CDK14: variants seen among roughly 807,000 people sequenced by gnomAD.
CDK14 encodes cyclin dependent kinase 14.
In CDK14, 34 loss-of-function variants were observed where a neutral mutation model predicts 60.7. That is an observed-to-expected ratio of 0.56 (90% CI 0.43 to 0.75). CDK14 has a LOEUF of 0.75. CDK14 is among the 30% of genes least tolerant of loss of function. The probability of loss-of-function intolerance (pLI) is 0.00; values close to 1 mark genes in which losing one functional copy is unlikely to be tolerated. For missense variants in CDK14, 482 were observed against 564.1 expected, an observed-to-expected ratio of 0.85 and a Z score of 1.47; for synonymous variants, 197 against 203.7, an observed-to-expected ratio of 0.97 and a Z score of 0.28.
At chr7:90,818,000 C>T (rs1299295378) in intron 5 of CDK14, among the ~76,000 whole-genome samples, 1 of 152,190 alleles carries the variant, frequency 6.6e-6, no homozygotes, top group Admixed American at 6.5e-5. Context: ...GCCCATCTGA[C>T]TCTTAAAGCA....
At chr7:91,014,361 A>T (rs1796244991) in intron 10 of CDK14, among the ~76,000 whole-genome samples, 1 of 152,158 alleles carries the variant, frequency 6.6e-6, no homozygotes, top group African/African-American at 2.4e-5. Context: ...AGACAAGAGA[A>T]ATCTGAAACA....
At chr7:90,780,126 A>G (rs769415231) in intron 4 of CDK14, among the ~76,000 whole-genome samples, 3 of 152,184 alleles carry the variant, frequency 2.0e-5, no homozygotes, top group Non-Finnish European at 2.9e-5. Flanking sequence ...AACTGTTGAT[A>G]ATCTACTAAG....
intron 11 of CDK14, among the ~76,000 whole-genome samples, chr7:91,064,621 A>G (rs999550348): frequency 3.3e-5 from 5 of 152,294 alleles, no homozygotes; most frequent in Admixed American, 2.0e-4. Flanking sequence ...CTCTGTCACT[A>G]TAGCCCGCAT....
At chr7:90,747,860 T>C in intron 4 of CDK14, 85 bp downstream of exon 4, 2 of 547,316 alleles carry the variant, frequency 3.7e-6, no homozygotes, top group Non-Finnish European at 5.7e-6. Context: ...AAATAATTAT[T>C]ATTTAATATA....
intron 14 of CDK14, among the ~76,000 whole-genome samples, chr7:91,136,353 A>C (rs944206047): frequency 5.3e-5 from 8 of 152,186 alleles, no homozygotes; most frequent in African/African-American, 1.9e-4. Context: ...TATGGGTCAG[A>C]AGTCAGGGCT....
At chr7:90,855,101 C>A (rs1352775187) in intron 5 of CDK14, among the ~76,000 whole-genome samples, 2 of 152,098 alleles carry the variant, frequency 1.3e-5, no homozygotes, top group African/African-American at 4.8e-5. Flanking sequence ...ATGGAGACAG[C>A]AAGATTGAAA....
chr7:91,130,836 T>C (rs1285840289), intron 14 of CDK14, among the ~76,000 whole-genome samples: 1 of 152,172 alleles, frequency 6.6e-6, no homozygotes, highest in African/African-American at 2.4e-5. Flanking sequence ...ATGGAGAGCC[T>C]CTGGCCATAT....
intron 6 of CDK14, among the ~76,000 whole-genome samples, chr7:90,881,993 A>G (rs768124648): frequency 4.6e-5 from 7 of 152,178 alleles, no homozygotes; most frequent in Non-Finnish European, 1.0e-4. Context: ...ACACCAAAAT[A>G]TAAAGACCAA....
chr7:90,654,458 C>T (rs1800711152), intron 2 of CDK14, among the ~76,000 whole-genome samples: 1 of 152,110 alleles, frequency 6.6e-6, no homozygotes, highest in Non-Finnish European at 1.5e-5. Flanking sequence ...CTTTATTTAG[C>T]TTAATGAAAC....
In CDK14 at chr7:90,970,347, A is replaced by G. The variant is rs571042975; in HGVS notation, c.948-13801A>G. ...TGATGGTAGACTTCAATTTTATAGG[A>G]TAGTTTTACTGTGTTCTTTGCCAAA... is the stretch of plus-strand genomic sequence containing the variant. On this transcript the variant is annotated intron_variant, in intron 9 of 14. Coordinates refer to ENST00000380050, the MANE Select transcript of CDK14 (RefSeq NM_001287135.2). Among the ~76,000 whole-genome samples the G allele has an allele frequency of 1.3e-4, 20 of 152,292 alleles. No homozygotes were observed. In the South Asian group the frequency reaches 2.7e-3, roughly 21 times the overall value.
At chr7:90,855,304 T>G (rs368068053) in intron 5 of CDK14, among the ~76,000 whole-genome samples, 2 of 152,162 alleles carry the variant, frequency 1.3e-5, no homozygotes, top group Non-Finnish European at 2.9e-5. Context: ...GGATTAGAAG[T>G]GAAGAATATT....
At chr7:90,895,883 T>G (rs1004612125) in intron 6 of CDK14, among the ~76,000 whole-genome samples, 6 of 151,694 alleles carry the variant, frequency 4.0e-5, no homozygotes, top group African/African-American at 1.5e-4. Context: ...CCCTTGTTTT[T>G]CTCATTCTTA....
chr7:91,043,574 ACT>A (rs1390612884), intron 10 of CDK14, among the ~76,000 whole-genome samples: 1 of 152,204 alleles, frequency 6.6e-6, no homozygotes, highest in Non-Finnish European at 1.5e-5. Context: ...TTTTGCAGAC[ACT>A]GTTATCATAA....
chr7:90,829,338 C>G (rs746945323), intron 5 of CDK14, among the ~76,000 whole-genome samples: 12 of 152,092 alleles, frequency 7.9e-5, no homozygotes, highest in Admixed American at 1.3e-4. Flanking sequence ...CTCAAAAGTC[C>G]AAGTCCAAAG....
At chr7:90,840,951 C>T (rs1369723713) in intron 5 of CDK14, among the ~76,000 whole-genome samples, 1 of 152,048 alleles carries the variant, frequency 6.6e-6, no homozygotes, top group African/African-American at 2.4e-5. Context: ...AGGAAAAATA[C>T]AAGAGAGTAC....
chr7:90,638,250 A>AT (rs1251011796), intron 2 of CDK14, among the ~76,000 whole-genome samples: 2 of 152,072 alleles, frequency 1.3e-5, no homozygotes, highest in Non-Finnish European at 2.9e-5. Flanking sequence ...TTTTGGCATG[A>AT]TTTTGCAGCA....
chr7:90,934,289 G>A (rs1404817471), intron 8 of CDK14, among the ~76,000 whole-genome samples: 1 of 152,266 alleles, frequency 6.6e-6, no homozygotes, highest in African/African-American at 2.4e-5. Flanking sequence ...AGAGCCCTGA[G>A]CCAGGTGCCA....
intron 10 of CDK14, among the ~76,000 whole-genome samples, chr7:90,998,550 T>A (rs554743882): frequency 6.6e-6 from 1 of 152,310 alleles, no homozygotes; most frequent in Admixed American, 6.5e-5. Context: ...GGTATCTTAG[T>A]CCATTTTCTG....
rs61187542 is a variant in CDK14, at chr7:90,930,529, C to CTTT, written c.826+12827_826+12829dup. 9.0e-3 allele frequency among the ~76,000 whole-genome samples: 735 copies of CTTT among 81,218 alleles called. 34 individuals carry two copies. Among genetic ancestry groups the CTTT allele is most frequent in the African/African-American group, 0.023 (405 of 17,262 alleles). 53.3% of individuals were successfully genotyped at this position (81,218 alleles called of 152,430 possible). ...GTGCAGTGTTATAGCACAGGCTAAGCTTTTTTTTTTTTTTTTTTTTTTTTG... is the reference window on the plus strand; with the variant it reads ...GTGCAGTGTTATAGCACAGGCTAAGCTTTTTTTTTTTTTTTTTTTTTTTTTTTG... On this transcript the variant is annotated intron_variant, in intron 8 of 14. Coordinates refer to ENST00000380050, the MANE Select transcript of CDK14 (RefSeq NM_001287135.2).
Sources: gnomAD v4.1 joint callset for allele counts (sites outside exome capture counted in the v4.1 genomes callset) on GRCh38, gnomAD v4.1.1 for gene constraint, MANE v1.5 for transcripts, NCBI Gene and HGNC (gene_info 2026-07-23, HGNC 2026-07-21) for gene names.